Variants in SPINK1 observed in about 807,000 individuals in gnomAD.
SPINK1 encodes serine protease inhibitor Kazal-type 1.
SPINK1 carries 5 observed loss-of-function variants against 9.5 expected under a neutral mutation model. The ratio of observed to expected loss-of-function variants is 0.52; its 90% CI spans 0.27 to 1.10. The LOEUF is 1.10. Among genes scored for constraint, SPINK1 ranks in the 50% least tolerant of loss-of-function variants. The pLI, the probability that SPINK1 is intolerant of heterozygous loss-of-function variation, is 0.11. For synonymous variants in SPINK1, 37 were observed against 32.3 expected (o/e 1.14, Z -0.49); for missense variants, 88 against 92.7 (o/e 0.95, Z 0.21).
At chr5:147,828,687 G>A (rs1295895590) in intron 2 of SPINK1, among the ~76,000 whole-genome samples, 8 of 152,082 alleles carry the variant, frequency 5.3e-5, no homozygotes, top group Non-Finnish European at 1.0e-4. Flanking sequence ...ATATTATTCT[G>A]TTTAAACCTC....
At chr5:147,829,530 C>T (rs1756471897) in intron 2 of SPINK1, 69 bp downstream of exon 2, 1 of 1,484,014 alleles carries the variant, frequency 6.7e-7, no homozygotes, top group Non-Finnish European at 9.4e-7. Flanking sequence ...AAGGTGACAG[C>T]AAGGCTGCAT....
At chr5:147,829,515 A>T in intron 2 of SPINK1, 84 bp downstream of exon 2, 1 of 1,347,142 alleles carries the variant, frequency 7.4e-7, no homozygotes, top group Non-Finnish European at 1.1e-6. Flanking sequence ...TTCAGGCTAA[A>T]CTGAAAGGTG....
At chr5:147,837,661 C>CTTTCTTTA in the SPINK1 span, among the ~76,000 whole-genome samples, 1 of 110,018 alleles carries the variant, frequency 9.1e-6, no homozygotes, top group Admixed American at 8.9e-5. Context: ...TTCTTTCTTT[C>CTTTCTTTA]TTTCTTTCTT....
chr5:147,824,727 A>AT (rs762274552), intron 3 of SPINK1, 21 bp from the exon 4 acceptor site: 1 of 1,612,758 alleles, frequency 6.2e-7, no homozygotes, highest in Non-Finnish European at 8.5e-7. Context: ...GATTAAAAAA[A>AT]ATATATCAGC....
upstream of SPINK1, among the ~76,000 whole-genome samples, chr5:147,834,801 TG>T (rs1253489779): frequency 6.6e-6 from 1 of 152,138 alleles, no homozygotes; most frequent in African/African-American, 2.4e-5. Context: ...ATTTTGACTG[TG>T]AACCTAAAGT....
the SPINK1 span, among the ~76,000 whole-genome samples, chr5:147,837,918 T>C: frequency 6.6e-6 from 1 of 151,964 alleles, no homozygotes. Context: ...GCCAGGCTGG[T>C]CTCGAACTCC....
chr5:147,827,947 A>G, intron 3 of SPINK1, 75 bp downstream of exon 3: 1 of 1,140,128 alleles, frequency 8.8e-7, no homozygotes, highest in Non-Finnish European at 1.3e-6. Flanking sequence ...TCGGGGTGAG[A>G]TTCATATTAT....
intron 2 of SPINK1, among the ~76,000 whole-genome samples, chr5:147,829,066 T>A (rs1435668999): frequency 1.3e-5 from 2 of 152,222 alleles, no homozygotes; most frequent in Non-Finnish European, 2.9e-5. Flanking sequence ...TCTGACTAGA[T>A]ATAAATGTAC....
chr5:147,838,795 T>C, the SPINK1 span, among the ~76,000 whole-genome samples: 1 of 152,152 alleles, frequency 6.6e-6, no homozygotes, highest in Non-Finnish European at 1.5e-5. Context: ...CTAATTCATC[T>C]TTCATCTACA....
At chr5:147,825,410 C>CT (rs1013673930) in intron 3 of SPINK1, among the ~76,000 whole-genome samples, 5 of 150,018 alleles carry the variant, frequency 3.3e-5, no homozygotes, top group Non-Finnish European at 7.4e-5. Context: ...CTTCCATATA[C>CT]TTTTTTTTCT....
At chr5:147,836,691 G>T in the SPINK1 span, among the ~76,000 whole-genome samples, 1 of 152,110 alleles carries the variant, frequency 6.6e-6, no homozygotes, top group African/African-American at 2.4e-5. Flanking sequence ...TTAAAAACAT[G>T]TCAGACTTTA....
At chr5:147,828,438 G>A (rs1489886187) in intron 2 of SPINK1, among the ~76,000 whole-genome samples, 1 of 152,118 alleles carries the variant, frequency 6.6e-6, no homozygotes. Context: ...GATTTACATG[G>A]ATGGGTGAGA....
intron 2 of SPINK1, 108 bp downstream of exon 2, chr5:147,829,491 A>G (rs1044631379): frequency 3.8e-6 from 4 of 1,047,670 alleles, no homozygotes; most frequent in Non-Finnish European, 5.9e-6. Flanking sequence ...CCTAGCATTC[A>G]TACTCCTCTT....
upstream of SPINK1, among the ~76,000 whole-genome samples, chr5:147,832,086 CCTCA>C (rs573272536): frequency 6.6e-6 from 1 of 151,986 alleles, no homozygotes; most frequent in Admixed American, 6.6e-5. Flanking sequence ...TCTATTTTTC[CCTCA>C]CTCATTCACA....
At chr5:147,836,071 C>T (rs1025834426), upstream of SPINK1, among the ~76,000 whole-genome samples, 5 of 152,052 alleles carry the variant, frequency 3.3e-5, no homozygotes, top group Admixed American at 2.0e-4. Context: ...GTAAAGCTAT[C>T]ACTTAATAAT....
At chr5:147,827,808 T>A in intron 3 of SPINK1, 1 of 454,236 alleles carries the variant, frequency 2.2e-6, no homozygotes. Flanking sequence ...TATCGACTAT[T>A]TTGCTGTAAA....
upstream of SPINK1, among the ~76,000 whole-genome samples, chr5:147,834,802 G>C (rs1261966701): frequency 1.3e-5 from 2 of 152,026 alleles, no homozygotes; most frequent in African/African-American, 4.8e-5. Flanking sequence ...TTTTGACTGT[G>C]AACCTAAAGT....
upstream of SPINK1, among the ~76,000 whole-genome samples, chr5:147,834,464 G>T (rs1484711222): frequency 2.6e-5 from 4 of 152,078 alleles, no homozygotes; most frequent in East Asian, 5.8e-4. Flanking sequence ...CCCTCATGGA[G>T]TTTAGTCTTA....
intron 2 of SPINK1, 75 bp downstream of exon 2, chr5:147,829,524 T>A (rs1756471799): frequency 1.4e-6 from 2 of 1,424,822 alleles, no homozygotes; most frequent in African/African-American, 1.4e-5. Flanking sequence ...AACTGAAAGG[T>A]GACAGCAAGG....
Sources: gnomAD v4.1 joint callset for allele counts (sites outside exome capture counted in the v4.1 genomes callset) on GRCh38, gnomAD v4.1.1 for gene constraint, MANE v1.5 for transcripts, NCBI Gene and HGNC (gene_info 2026-07-23, HGNC 2026-07-21) for gene names.